The following PAPSS2 variants were observed in gnomAD, a reference collection of about 807,000 sequenced individuals.
The protein encoded by PAPSS2 is 3'-phosphoadenosine 5'-phosphosulfate synthase 2, also known as bifunctional 3'-phosphoadenosine 5'-phosphosulfate synthase 2.
PAPSS2 carries 61 observed loss-of-function variants against 66.5 expected under a neutral mutation model. That is an observed-to-expected ratio of 0.92 (90% CI 0.75 to 1.14). The LOEUF (loss-of-function observed/expected upper bound fraction) is 1.14, where lower values mean the gene tolerates loss of function less well. PAPSS2 is among the 50% of genes most tolerant of loss of function. PAPSS2 has a pLI of 0.00. For synonymous variants in PAPSS2, 289 were observed against 287.5 expected, an observed-to-expected ratio of 1.01 and a Z score of -0.05; for missense variants, 708 against 789.6, an observed-to-expected ratio of 0.90 and a Z score of 1.24.
chr10:87,723,797 C>G (rs541900622), intron 8 of PAPSS2, among the ~76,000 whole-genome samples: 1 of 152,214 alleles, frequency 6.6e-6, no homozygotes, highest in East Asian at 1.9e-4. Context: ...TCTTATGCCC[C>G]GAAGGAATAG....
chr10:87,724,320 T>C (rs546422809), intron 8 of PAPSS2, among the ~76,000 whole-genome samples: 1 of 152,124 alleles, frequency 6.6e-6, no homozygotes, highest in South Asian at 2.1e-4. Context: ...AAAGGAACTT[T>C]TAAAAATGAC....
intron 9 of PAPSS2, among the ~76,000 whole-genome samples, chr10:87,735,142 G>C (rs1022006619): frequency 2.0e-5 from 3 of 152,076 alleles, no homozygotes; most frequent in Admixed American, 1.3e-4. Flanking sequence ...CCCCCCTGCT[G>C]TCTTTGGCAG....
At chr10:87,743,741 T>C (rs74149607) in intron 11 of PAPSS2, 100 bp downstream of exon 11, 2 of 1,354,160 alleles carry the variant, frequency 1.5e-6, no homozygotes, top group Admixed American at 3.5e-5. Context: ...TGTTTCCTCA[T>C]GAGCAGATTC....
chr10:87,660,007 C>A lies in PAPSS2; in HGVS notation c.26C>A (p.Thr9Lys), dbSNP rs1852727849. The change falls in exon 1 of 13, where the codon ACG becomes AAG. Residue 9 changes from threonine (T) to lysine (K), a missense_variant and splice_region_variant. Transcript: ENST00000456849. MSGIKKQKTENQQKSTNVV... is the reference protein window; with the variant it reads MSGIKKQKKENQQKSTNVV... ...ATGTCGGGGATCAAGAAGCAAAAGA[C>A]GGTAGGCTTCCAGGCGCCGGCTTCC... 1 of 1,612,812 alleles carries A rather than the reference C, an allele frequency of 6.2e-7. No individual in the cohort carries two copies. Among genetic ancestry groups the A allele is most frequent in the South Asian group, 1.1e-5 (1 of 90,928 alleles).
In PAPSS2 at chr10:87,744,703, T is replaced by C. The variant is rs182682988; in HGVS notation, c.1492-299T>C. ...GAGGCACTGGAAAGTAAAATCCACA[T>C]AGTTCTGTAGAATAGTAAGATTTGA... On this transcript the variant is annotated intron_variant, in intron 11 of 12. Transcript: ENST00000456849. 9.8e-5 allele frequency among the ~76,000 whole-genome samples: 15 copies of C among 152,298 alleles called. No individual in the cohort carries two copies. In the East Asian group the frequency reaches 2.9e-3, roughly 29 times the overall value.
intron 1 of PAPSS2, among the ~76,000 whole-genome samples, chr10:87,666,177 T>C (rs934409519): frequency 6.6e-6 from 1 of 152,196 alleles, no homozygotes; most frequent in Non-Finnish European, 1.5e-5. Flanking sequence ...TTGGCCAGAC[T>C]GGTCTTGAAC....
In PAPSS2 at chr10:87,714,854, G is replaced by GC; in HGVS notation, c.631dup (p.Gln211ProfsTer25). The GC allele has an allele frequency of 1.3e-6, 2 of 1,599,256 alleles. No homozygotes were observed. Among genetic ancestry groups the GC allele is most frequent in the Middle Eastern group, 1.7e-4 (1 of 6,038 alleles). On this transcript the variant is annotated frameshift_variant, in exon 5 of 13. Coordinates refer to ENST00000456849, the MANE Select transcript of PAPSS2 (RefSeq NM_001015880.2). LOFTEE classifies it high-confidence loss of function. Reference sequence around the variant, plus strand: ...GTGTCCACCAGGTAGTGGAACTTCTGCAAGAGCAGGTAGGTGAACCGGTTG... The same window carrying GC: ...GTGTCCACCAGGTAGTGGAACTTCTGCCAAGAGCAGGTAGGTGAACCGGTTG...
In PAPSS2 at chr10:87,702,339, A is replaced by C. The variant is rs149680479; in HGVS notation, c.28-6857A>C. On this transcript the variant is annotated intron_variant, in intron 1 of 12. Transcript: ENST00000456849. ...CTGTGGGACTTCAGCCCCCTTCCCA[A>C]TATCTCTGAGCAGTAGTTTTCAGAT... 1.2e-3 allele frequency among the ~76,000 whole-genome samples: 176 copies of C among 152,244 alleles called. 3 individuals are homozygous for C. The East Asian group carries it at 0.029, about 25-fold the overall frequency.
chr10:87,729,278 A>C (rs1484988729), intron 9 of PAPSS2, among the ~76,000 whole-genome samples: 1 of 149,734 alleles, frequency 6.7e-6, no homozygotes, highest in East Asian at 2.0e-4. Flanking sequence ...TCAACCCTGC[A>C]CTGAGAAAGT....
chr10:87,689,285 A>T (rs1480169138), intron 1 of PAPSS2, among the ~76,000 whole-genome samples: 1 of 114,778 alleles, frequency 8.7e-6, no homozygotes, highest in African/African-American at 3.1e-5. Flanking sequence ...GGTTGTGGTG[A>T]GCCGAGATCA....
chr10:87,690,202 A>T (rs1309205118), intron 1 of PAPSS2, among the ~76,000 whole-genome samples: 1 of 152,230 alleles, frequency 6.6e-6, no homozygotes, highest in Non-Finnish European at 1.5e-5. Flanking sequence ...GTATTCATCA[A>T]AAAAGAGCTA....
intron 1 of PAPSS2, among the ~76,000 whole-genome samples, chr10:87,668,089 C>T (rs544924612): frequency 2.6e-5 from 4 of 152,308 alleles, no homozygotes; most frequent in African/African-American, 9.6e-5. Flanking sequence ...TATTCTTCTA[C>T]ACCCTCCTCC....
At chr10:87,665,442 A>G (rs886767148) in intron 1 of PAPSS2, among the ~76,000 whole-genome samples, 2 of 152,092 alleles carry the variant, frequency 1.3e-5, no homozygotes, top group African/African-American at 4.8e-5. Context: ...TGATCTCCTG[A>G]CCTCGTGATC....
At chr10:87,699,937 A>T (rs1853282001) in intron 1 of PAPSS2, among the ~76,000 whole-genome samples, 1 of 152,088 alleles carries the variant, frequency 6.6e-6, no homozygotes, top group African/African-American at 2.4e-5. Context: ...AGAGAAGAGA[A>T]GGAAAATAGT....
In PAPSS2 at chr10:87,746,896, T is replaced by C. The variant is rs1285659811; in HGVS notation, c.*926T>C. On this transcript the variant is annotated 3_prime_UTR_variant, in exon 13 of 13. Transcript: ENST00000456849. ...AAACAAAGAATCCAACCCTTTCATC[T>C]TACAGGTGAACAAACTGTGATGATG... is the stretch of plus-strand genomic sequence containing the variant. 1 of 152,218 alleles carries C rather than the reference T, an allele frequency of 6.6e-6. No homozygotes were observed. The highest frequency in any genetic ancestry group is 1.5e-5 in the Non-Finnish European group (1 of 68,038). 9.4% of individuals were successfully genotyped at this position (152,218 alleles called of 1,614,324 possible). A position where few individuals can be genotyped will look rare whatever the true frequency, so the allele number is the denominator to read the frequency against.
chr10:87,742,806 G>A (rs1445121283), intron 10 of PAPSS2, among the ~76,000 whole-genome samples: 2 of 152,206 alleles, frequency 1.3e-5, no homozygotes, highest in African/African-American at 2.4e-5. Flanking sequence ...AAAGGTCCTG[G>A]CAACAAATCT....
At chr10:87,696,975 A>G (rs1853242207) in intron 1 of PAPSS2, among the ~76,000 whole-genome samples, 1 of 152,228 alleles carries the variant, frequency 6.6e-6, no homozygotes, top group Non-Finnish European at 1.5e-5. Context: ...CCAAATATAC[A>G]TTGTCGTTAA....
At chr10:87,660,057 C>A in intron 1 of PAPSS2, 49 bp downstream of exon 1, 2 of 1,584,268 alleles carry the variant, frequency 1.3e-6, no homozygotes, top group African/African-American at 2.7e-5. Flanking sequence ...ACTGCACGCG[C>A]CGACCCCCAA....
chr10:87,720,631 T>C (rs1050096144), intron 7 of PAPSS2, among the ~76,000 whole-genome samples: 2 of 152,344 alleles, frequency 1.3e-5, no homozygotes, highest in Middle Eastern at 3.4e-3. Flanking sequence ...CAACATTGTT[T>C]TTATTCTGAC....
Sources: allele counts gnomAD v4.1 joint callset (sites outside exome capture counted in the v4.1 genomes callset), GRCh38; gene constraint gnomAD v4.1.1; transcripts MANE v1.5; gene names NCBI Gene and HGNC (gene_info 2026-07-23, HGNC 2026-07-21).